TMEM134: variants seen among roughly 807,000 people sequenced by gnomAD.
TMEM134 encodes the protein transmembrane protein 134.
In TMEM134, 36 loss-of-function variants were observed where a neutral mutation model predicts 26.2. That is an observed-to-expected ratio of 1.37 (90% CI 1.05 to 1.81). The LOEUF (loss-of-function observed/expected upper bound fraction) is 1.81. Among genes scored for constraint, TMEM134 ranks in the 40% most tolerant of loss-of-function variants. The pLI, the probability that TMEM134 is intolerant of heterozygous loss-of-function variation, is 0.00. For synonymous variants in TMEM134, 133 were observed against 113.6 expected (o/e 1.17, Z -1.08); for missense variants, 339 against 263.5 (o/e 1.29, Z -1.98).
intron 1 of TMEM134, among the ~76,000 whole-genome samples, 191 bp downstream of exon 1, chr11:67,468,828 G>A (rs571339619): frequency 6.0e-4 from 92 of 152,344 alleles, no homozygotes; most frequent in African/African-American, 2.2e-3. Context: ...CGGCTGGCTG[G>A]GGCCCGGTAT....
intron 1 of TMEM134, 82 bp downstream of exon 1, chr11:67,468,937 T>A (rs1865473485): frequency 7.6e-7 from 1 of 1,322,466 alleles, no homozygotes. Flanking sequence ...AGGCAGATGC[T>A]TCCCCGAGTT....
At chr11:67,467,723 G>A (rs772761613) in intron 2 of TMEM134, 133 bp from the exon 3 acceptor site, 22 of 840,996 alleles carry the variant, frequency 2.6e-5, no homozygotes, top group Non-Finnish European at 3.8e-5. Flanking sequence ...GCCCTGAGAG[G>A]CCTCGGTGGG....
intron 2 of TMEM134, 137 bp from the exon 3 acceptor site, chr11:67,467,727 C>G: frequency 2.4e-6 from 2 of 822,300 alleles, no homozygotes; most frequent in Admixed American, 2.1e-5. Context: ...TGAGAGGCCT[C>G]GGTGGGTGAG....
rs929696098 is a variant in TMEM134, at chr11:67,464,005, C to G, written c.*609G>C. 6.3e-6 allele frequency: 1 copy of G among 157,636 alleles called. No individual in the cohort carries two copies. The highest frequency in any genetic ancestry group is 6.1e-5 in the Admixed American group (1 of 16,456). 9.8% of individuals were successfully genotyped at this position (157,636 alleles called of 1,614,324 possible). On this transcript the variant is annotated 3_prime_UTR_variant, in exon 7 of 7. Coordinates refer to ENST00000308022, the MANE Select transcript of TMEM134 (RefSeq NM_025124.4). The stretch of plus-strand genomic sequence containing the variant: ...CAGGGCTGGCTGTGGCAGCCCAGGG[C>G]CCCAGAGCCAGGCTGGAACTAGGAT...
chr11:67,467,279 C>G, intron 4 of TMEM134, 33 bp downstream of exon 4: 1 of 1,607,542 alleles, frequency 6.2e-7, no homozygotes, highest in Non-Finnish European at 8.5e-7. Context: ...TCCCACGGGG[C>G]CCCTCTTGAC....
At chr11:67,467,983 G>C (rs2134233989) in intron 2 of TMEM134, 45 bp downstream of exon 2, 1 of 1,534,192 alleles carries the variant, frequency 6.5e-7, no homozygotes, top group African/African-American at 1.4e-5. Context: ...CTGGGGATAG[G>C]AGCTGGGGCT....
chr11:67,465,049 C>T lies in TMEM134; in HGVS notation c.451+7G>A, dbSNP rs1246614408. On this transcript the variant is annotated splice_region_variant and intron_variant, in intron 5 of 6. Coordinates refer to ENST00000308022, the MANE Select transcript of TMEM134 (RefSeq NM_025124.4). ...CCTCTGCCTGTGGGGGCGGGAGGGT[C>T]GCTCACCTGGAGAGGGGGTCGCCTC... The T allele has an allele frequency of 4.3e-5, 67 of 1,575,428 alleles. No homozygotes were observed. The highest frequency in any genetic ancestry group is 5.0e-5 in the Non-Finnish European group (58 of 1,164,796).
intron 6 of TMEM134, 43 bp downstream of exon 6, chr11:67,464,760 G>GC: frequency 7.4e-7 from 1 of 1,349,286 alleles, no homozygotes; most frequent in Non-Finnish European, 1.0e-6. Flanking sequence ...CCCCAGTGCC[G>GC]CCCCACAGCC....
At chr11:67,467,969 G>A in intron 2 of TMEM134, 59 bp downstream of exon 2, 1 of 1,479,632 alleles carries the variant, frequency 6.8e-7, no homozygotes, top group Non-Finnish European at 9.2e-7. Context: ...ACTGAGCAGG[G>A]TCCCTGGGGA....
chr11:67,464,855 A>T lies in TMEM134; in HGVS notation c.453T>A (p.Gly151=). 1 of 1,610,356 alleles carries T rather than the reference A, an allele frequency of 6.2e-7. No individual in the cohort carries two copies. Among genetic ancestry groups the T allele is most frequent in the Non-Finnish European group, 8.5e-7 (1 of 1,179,700 alleles). Residue 151 remains glycine (G), a splice_region_variant and synonymous_variant, in exon 6 of 7, where the codon GGT becomes GGA. Coordinates refer to ENST00000308022, the MANE Select transcript of TMEM134 (RefSeq NM_025124.4). ...GVGLEATPSP[G]VSSAIFFVPG... ...GCACGAAGAAGATGGCGCTGGAGACACCTGCGGGAGGGACCAGAGCCCGGT... is the reference window on the plus strand; with the variant it reads ...GCACGAAGAAGATGGCGCTGGAGACTCCTGCGGGAGGGACCAGAGCCCGGT...
rs750703689 is a variant in TMEM134, at chr11:67,469,074, C to T, written c.119G>A (p.Arg40His). The change falls in exon 1 of 7, where the codon CGT (arginine) becomes CAT (histidine). Residue 40 changes from arginine (R) to histidine (H), a missense_variant. Transcript: ENST00000308022. ...GTCAGCCACCTCGAACCGGGCCCGACGCTCGAAGTGCAGCGGCCCAAAGCG... is the reference window on the plus strand; with the variant it reads ...GTCAGCCACCTCGAACCGGGCCCGATGCTCGAAGTGCAGCGGCCCAAAGCG... ...VARFGPLHFE[R>H]RARFEVADED... 162 of 1,515,072 alleles carry T rather than the reference C, an allele frequency of 1.1e-4. No individual in the cohort carries two copies. Among genetic ancestry groups the T allele is most frequent in the Non-Finnish European group, 1.1e-5 (12 of 1,132,168 alleles). The allele number at this position is 1,515,072 out of a possible 1,614,324, so 93.9% of individuals were successfully genotyped here.
chr11:67,465,231 C>A, intron 4 of TMEM134, 131 bp from the exon 5 acceptor site: 1 of 1,526,260 alleles, frequency 6.6e-7, no homozygotes, highest in South Asian at 1.2e-5. Flanking sequence ...AGGAAGCTCA[C>A]CAAGCTCTGT....
In TMEM134 at chr11:67,469,188, C is replaced by G; in HGVS notation, c.5G>C (p.Ser2Thr). ...AATGCTGAACTGGGGCCGGGCGGCG[C>G]TCATGGCCCCGGCCCGCTCAGGCGC... M[S>T]AARPQFSIDD... is the part of the protein sequence containing the mutation. Residue 2 changes from serine to threonine, a missense_variant, in exon 1 of 7, where the codon AGC becomes ACC. Ser to Thr is a moderately conservative substitution (Grantham distance 58). Coordinates refer to ENST00000308022, the MANE Select transcript of TMEM134 (RefSeq NM_025124.4). The G allele has an allele frequency of 7.5e-7, 1 of 1,336,856 alleles. No individual in the cohort carries two copies. Among genetic ancestry groups the G allele is most frequent in the Non-Finnish European group, 9.7e-7 (1 of 1,036,142 alleles). The allele number at this position is 1,336,856 out of a possible 1,614,324, so 82.8% of individuals were successfully genotyped here. A position where few individuals can be genotyped will look rare whatever the true frequency, so the allele number is the denominator to read the frequency against.
Position 67,464,412 on chromosome 11 carries a change from G to C in TMEM134, c.*202C>G, listed in dbSNP as rs1260868176. 52 of 614,068 alleles carry C rather than the reference G, an allele frequency of 8.5e-5. No individual in the cohort carries two copies. The East Asian group carries it at 1.4e-3, about 17-fold the overall frequency. 38.0% of individuals were successfully genotyped at this position (614,068 alleles called of 1,614,324 possible). ...AATAACAGCAACCTAGCAGCCGCAC[G>C]GCCCGAGAATAAGTTAAGGCACAGA... On this transcript the variant is annotated 3_prime_UTR_variant, in exon 7 of 7. Transcript: ENST00000308022.
At position 67,462,363 on chromosome 11, in the gene TMEM134, T is replaced by C. The variant is rs1565166722; in HGVS notation, c.*2251A>G. On this transcript the variant is annotated 3_prime_UTR_variant, in exon 7 of 7. Transcript: ENST00000308022. The stretch of plus-strand genomic sequence containing the variant: ...TGTGGACTTGTATTCTGTATTTTTT[T>C]TTTTTTTGGAGACAGAGTCTCGCTC... 6.6e-6 allele frequency: 1 copy of C among 151,528 alleles called. No homozygotes were observed. Among genetic ancestry groups the C allele is most frequent in the African/African-American group, 2.4e-5 (1 of 41,318 alleles). The allele number at this position is 151,528 out of a possible 1,614,324, so 9.4% of individuals were successfully genotyped here. A position where few individuals can be genotyped will look rare whatever the true frequency, so the allele number is the denominator to read the frequency against.
In TMEM134 at chr11:67,469,049, G is replaced by C; in HGVS notation, c.144C>G (p.Asp48Glu). 1 of 1,515,286 alleles carries C rather than the reference G, an allele frequency of 6.6e-7. No homozygotes were observed. Among genetic ancestry groups the C allele is most frequent in the South Asian group, 1.2e-5 (1 of 82,412 alleles). 93.9% of individuals were successfully genotyped at this position (1,515,286 alleles called of 1,614,324 possible). Reference protein sequence around the residue: ...FERRARFEVADEDKQSRLRYQ... With the variant: ...FERRARFEVAEEDKQSRLRYQ... ...AGCGCAGCCGGGACTGCTTGTCCTC[G>C]TCAGCCACCTCGAACCGGGCCCGAC... is the stretch of plus-strand genomic sequence containing the variant. The change falls in exon 1 of 7, where the codon GAC becomes GAG. Residue 48 changes from aspartate (D) to glutamate (E), a missense_variant. Asp to Glu is a conservative substitution (Grantham distance 45, BLOSUM62 2). Transcript: ENST00000308022.
chr11:67,465,183 C>T (rs1865176570), intron 4 of TMEM134, 83 bp from the exon 5 acceptor site: 1 of 1,535,640 alleles, frequency 6.5e-7, no homozygotes, highest in African/African-American at 1.4e-5. Flanking sequence ...GCTCACCCAC[C>T]ACCTGAGCTG....
chr11:67,465,741 C>T (rs1397704875), intron 4 of TMEM134, among the ~76,000 whole-genome samples: 1 of 151,784 alleles, frequency 6.6e-6, no homozygotes, highest in Non-Finnish European at 1.5e-5. Context: ...GCCTGGGCAA[C>T]ATACCAAGAT....
At chr11:67,465,524 G>A (rs1344906618) in intron 4 of TMEM134, among the ~76,000 whole-genome samples, 3 of 147,422 alleles carry the variant, frequency 2.0e-5, no homozygotes, top group African/African-American at 4.9e-5. Context: ...AGTTAGAAGA[G>A]TGATGGGGGA....
Sources: gnomAD v4.1 joint callset for allele counts (sites outside exome capture counted in the v4.1 genomes callset) on GRCh38, gnomAD v4.1.1 for gene constraint, MANE v1.5 for transcripts, NCBI Gene and HGNC (gene_info 2026-07-23, HGNC 2026-07-21) for gene names.